The following RBFOX1 variants were observed in gnomAD, a reference collection of about 807,000 sequenced individuals.
RBFOX1 encodes RNA binding protein fox-1 homolog 1.
A neutral mutation model predicts 57.7 loss-of-function variants in RBFOX1; 8 were observed. The observed-to-expected ratio is 0.14, with a 90% CI of 0.08 to 0.25. The LOEUF (loss-of-function observed/expected upper bound fraction) is 0.25. Among genes scored for constraint, RBFOX1 ranks in the 10% least tolerant of loss-of-function variants. The pLI, the probability that RBFOX1 is intolerant of heterozygous loss-of-function variation, is 1.00. For missense variants in RBFOX1, 611 were observed against 548.5 expected (o/e 1.11, Z -1.14); for synonymous variants, 326 against 222.4 (o/e 1.47, Z -4.15).
intron 4 of RBFOX1, among the ~76,000 whole-genome samples, chr16:7,167,482 A>G (rs1208880197): frequency 5.3e-5 from 8 of 152,148 alleles, no homozygotes; most frequent in Admixed American, 5.2e-4. Flanking sequence ...CAAGCCAAGG[A>G]TGCCAGGACC....
chr16:6,766,324 A>G (rs2077324630), intron 3 of RBFOX1, among the ~76,000 whole-genome samples: 1 of 151,946 alleles, frequency 6.6e-6, no homozygotes, highest in Admixed American at 6.6e-5. Flanking sequence ...TAGTTTTTTA[A>G]TGTTCAGAGT....
chr16:7,567,842 T>TAC (rs1370178403), intron 5 of RBFOX1, among the ~76,000 whole-genome samples: 2 of 147,400 alleles, frequency 1.4e-5, no homozygotes, highest in African/African-American at 5.0e-5. Context: ...CCCATATATA[T>TAC]ACCTATATAT....
At chr16:5,373,292 A>T (rs2065905366) in intron 1 of RBFOX1, among the ~76,000 whole-genome samples, 1 of 152,156 alleles carries the variant, frequency 6.6e-6, no homozygotes, top group Non-Finnish European at 1.5e-5. Flanking sequence ...GTTTGGATTT[A>T]TGTCCCCAAG....
At chr16:6,815,694 C>T (rs372025489) in intron 3 of RBFOX1, among the ~76,000 whole-genome samples, 24 of 152,260 alleles carry the variant, frequency 1.6e-4, no homozygotes, top group South Asian at 1.2e-3. Flanking sequence ...ACTTGTTCAG[C>T]GACAGAACAC....
chr16:5,701,657 C>T (rs552612128), intron 3 of RBFOX1, among the ~76,000 whole-genome samples: 18 of 152,244 alleles, frequency 1.2e-4, no homozygotes, highest in Non-Finnish European at 2.1e-4. Context: ...TGGTCTCAAA[C>T]TTCTGGCCTA....
intron 2 of RBFOX1, among the ~76,000 whole-genome samples, chr16:5,541,028 C>G (rs1597453372): frequency 6.6e-6 from 1 of 151,946 alleles, no homozygotes; most frequent in East Asian, 1.9e-4. Context: ...TTTTGTATTT[C>G]TAGTAGAGAT....
chr16:7,020,370 C>T (rs1177007869), intron 3 of RBFOX1, among the ~76,000 whole-genome samples: 1 of 151,918 alleles, frequency 6.6e-6, no homozygotes, highest in Non-Finnish European at 1.5e-5. Context: ...GGATTACAGG[C>T]TGCCATGCCC....
chr16:7,698,307 C>A (rs555205064), intron 14 of RBFOX1, among the ~76,000 whole-genome samples: 1 of 151,882 alleles, frequency 6.6e-6, no homozygotes, highest in Admixed American at 6.6e-5. Context: ...CTTAGCAAAT[C>A]TGGGGACATG....
At chr16:6,843,483 T>C (rs1274168057) in intron 3 of RBFOX1, among the ~76,000 whole-genome samples, 1 of 151,982 alleles carries the variant, frequency 6.6e-6, no homozygotes, top group Non-Finnish European at 1.5e-5. Flanking sequence ...GGTCAGGAGA[T>C]CGAGACCATC....
intron 3 of RBFOX1, among the ~76,000 whole-genome samples, chr16:6,686,635 G>C (rs1413754511): frequency 1.3e-5 from 2 of 152,106 alleles, no homozygotes; most frequent in African/African-American, 4.8e-5. Context: ...CGAAAGCACA[G>C]GTATCTCTCC....
At chr16:6,669,662 G>T (rs552026236) in intron 3 of RBFOX1, among the ~76,000 whole-genome samples, 1 of 151,942 alleles carries the variant, frequency 6.6e-6, no homozygotes, top group Non-Finnish European at 1.5e-5. Flanking sequence ...GTGTGTGTTT[G>T]AGTGTGGTGA....
intron 1 of RBFOX1, among the ~76,000 whole-genome samples, chr16:6,203,002 C>T (rs2097225583): frequency 6.6e-6 from 1 of 151,890 alleles, no homozygotes; most frequent in South Asian, 2.1e-4. Context: ...TCTTGAAATC[C>T]TGGGTTCAAG....
intron 2 of RBFOX1, among the ~76,000 whole-genome samples, chr16:6,384,093 C>T (rs1398384846): frequency 1.6e-5 from 2 of 122,490 alleles, no homozygotes; most frequent in Non-Finnish European, 3.3e-5. Context: ...TAAGATGTTG[C>T]TAAATTTGCT....
intron 2 of RBFOX1, among the ~76,000 whole-genome samples, chr16:6,583,503 A>C (rs2097565855): frequency 6.6e-6 from 1 of 152,192 alleles, no homozygotes; most frequent in Non-Finnish European, 1.5e-5. Flanking sequence ...AATAACTAGA[A>C]CTTTATTAGC....
intron 1 of RBFOX1, among the ~76,000 whole-genome samples, chr16:6,301,908 C>G (rs916354510): frequency 2.0e-5 from 3 of 152,104 alleles, no homozygotes; most frequent in Admixed American, 6.5e-5. Context: ...CACAGGTAGT[C>G]CAGCCACTTG....
chr16:7,612,245 C>T (rs541618994), intron 10 of RBFOX1, among the ~76,000 whole-genome samples: 7 of 142,896 alleles, frequency 4.9e-5, no homozygotes, highest in Admixed American at 1.5e-4. Flanking sequence ...GGCATGAACC[C>T]GGGAGGCGGA....
chr16:6,715,488 A>T (rs1387923808), intron 3 of RBFOX1, among the ~76,000 whole-genome samples: 1 of 152,168 alleles, frequency 6.6e-6, no homozygotes, highest in Non-Finnish European at 1.5e-5. Flanking sequence ...GGAGGTTATA[A>T]TCTATAAGGA....
intron 4 of RBFOX1, among the ~76,000 whole-genome samples, chr16:6,006,960 A>G (rs986384334): frequency 4.6e-5 from 7 of 151,972 alleles, no homozygotes; most frequent in African/African-American, 1.7e-4. Flanking sequence ...GTAGGATTAT[A>G]TCTCACTGGA....
intron 4 of RBFOX1, among the ~76,000 whole-genome samples, chr16:7,189,576 CACACACACACAT>C (rs1567633891): frequency 8.6e-5 from 13 of 150,850 alleles, no homozygotes; most frequent in East Asian, 5.9e-4. Flanking sequence ...CACACACACA[CACACACACACAT>C]ACACACACAA....
Sources: allele counts gnomAD v4.1 joint callset (sites outside exome capture counted in the v4.1 genomes callset), GRCh38; gene constraint gnomAD v4.1.1; transcripts MANE v1.5; gene names NCBI Gene and HGNC (gene_info 2026-07-23, HGNC 2026-07-21).